Variants in ANO3 observed in about 807,000 individuals in gnomAD.
The protein encoded by ANO3 is anoctamin-3.
ANO3 carries 99 observed loss-of-function variants against 144.8 expected under a neutral mutation model. The ratio of observed to expected loss-of-function variants is 0.68; its 90% CI spans 0.58 to 0.81. The LOEUF (loss-of-function observed/expected upper bound fraction) is 0.81. ANO3 is among the 30% of genes least tolerant of loss of function. ANO3 has a pLI of 0.00. For missense variants in ANO3, 905 were observed against 1,202.2 expected, an observed-to-expected ratio of 0.75 and a Z score of 3.66; for synonymous variants, 414 against 392.6, an observed-to-expected ratio of 1.05 and a Z score of -0.64.
At chr11:26,240,046 C>T (rs1281194724) in intron 1 of ANO3, among the ~76,000 whole-genome samples, 1 of 152,082 alleles carries the variant, frequency 6.6e-6, no homozygotes, top group East Asian at 1.9e-4. Flanking sequence ...GGTTTAAATT[C>T]TAACTCAGCC....
At chr11:26,255,192 T>C (rs1853028164) in intron 1 of ANO3, among the ~76,000 whole-genome samples, 1 of 152,196 alleles carries the variant, frequency 6.6e-6, no homozygotes, top group African/African-American at 2.4e-5. Flanking sequence ...AGAGTAAATG[T>C]GTTTTAATGT....
intron 1 of ANO3, among the ~76,000 whole-genome samples, chr11:26,310,705 C>T (rs951995188): frequency 9.9e-5 from 15 of 152,092 alleles, no homozygotes; most frequent in African/African-American, 3.6e-4. Flanking sequence ...AACTGCCAGT[C>T]CCCACAGCAG....
intron 1 of ANO3, among the ~76,000 whole-genome samples, chr11:26,205,830 G>T (rs1590192466): frequency 6.6e-6 from 1 of 152,154 alleles, no homozygotes; most frequent in African/African-American, 2.4e-5. Context: ...AGTTTCATGA[G>T]TGTCCTCTAA....
chr11:26,336,319 C>T (rs1855192070), intron 1 of ANO3, among the ~76,000 whole-genome samples: 1 of 152,130 alleles, frequency 6.6e-6, no homozygotes. Context: ...CACAGCCTGT[C>T]CCAAAAGACT....
chr11:26,365,064 A>G (rs1158096783), intron 1 of ANO3, among the ~76,000 whole-genome samples: 6 of 152,242 alleles, frequency 3.9e-5, no homozygotes, highest in African/African-American at 1.4e-4. Flanking sequence ...ATTGGTAAAC[A>G]TACCCATTCC....
At chr11:26,454,629 G>A (rs1484251750) in intron 3 of ANO3, among the ~76,000 whole-genome samples, 3 of 151,406 alleles carry the variant, frequency 2.0e-5, no homozygotes, top group Non-Finnish European at 4.4e-5. Flanking sequence ...TGGATTCACA[G>A]CCAAATTCTA....
At chr11:26,534,264 A>T (rs1441175390) in intron 8 of ANO3, among the ~76,000 whole-genome samples, 192 bp from the exon 9 acceptor site, 1 of 152,252 alleles carries the variant, frequency 6.6e-6, no homozygotes, top group Non-Finnish European at 1.5e-5. Context: ...CTGAAAGAAG[A>T]TAACAAAGTG....
At chr11:26,198,158 G>A (rs185741892) in intron 1 of ANO3, among the ~76,000 whole-genome samples, 8 of 152,220 alleles carry the variant, frequency 5.3e-5, no homozygotes, top group Non-Finnish European at 1.2e-4. Context: ...GATGGTTCTG[G>A]AAGTCAAATT....
At chr11:26,642,667 A>G (rs1853205789) in intron 22 of ANO3, among the ~76,000 whole-genome samples, 1 of 152,132 alleles carries the variant, frequency 6.6e-6, no homozygotes, top group African/African-American at 2.4e-5. Flanking sequence ...ACCAGTTTCT[A>G]TGTTAAGAAA....
chr11:26,364,634 TG>T (rs1270374079), intron 1 of ANO3, among the ~76,000 whole-genome samples: 1 of 151,724 alleles, frequency 6.6e-6, no homozygotes, highest in Non-Finnish European at 1.5e-5. Context: ...AGAGAGAGAG[TG>T]GGGGTGGAGG....
At chr11:26,443,233 T>C (rs1223440184) in intron 2 of ANO3, among the ~76,000 whole-genome samples, 2 of 152,178 alleles carry the variant, frequency 1.3e-5, no homozygotes, top group Non-Finnish European at 2.9e-5. Context: ...ATGTCTACTA[T>C]GTAAAGTGGC....
At chr11:26,358,382 G>A (rs866536934) in intron 1 of ANO3, among the ~76,000 whole-genome samples, 7 of 152,078 alleles carry the variant, frequency 4.6e-5, no homozygotes, top group Non-Finnish European at 2.9e-5. Flanking sequence ...ATGTTGGCCA[G>A]AATGGCCTTG....
intron 1 of ANO3, among the ~76,000 whole-genome samples, chr11:26,339,245 C>G (rs2133897628): frequency 6.6e-6 from 1 of 151,918 alleles, no homozygotes; most frequent in Middle Eastern, 3.4e-3. Context: ...ACCTCTGCCT[C>G]CCGAGTTCAA....
intron 1 of ANO3, among the ~76,000 whole-genome samples, chr11:26,280,513 G>A (rs1455396662): frequency 1.3e-5 from 2 of 152,130 alleles, no homozygotes; most frequent in Non-Finnish European, 2.9e-5. Context: ...GAAACATGTA[G>A]GCAGGAACAC....
At chr11:26,406,290 C>A (rs1857275144) in intron 1 of ANO3, among the ~76,000 whole-genome samples, 1 of 151,776 alleles carries the variant, frequency 6.6e-6, no homozygotes, top group Non-Finnish European at 1.5e-5. Context: ...GATAATGGTG[C>A]TTTTCCCATT....
chr11:26,383,077 C>G (rs948281873), intron 1 of ANO3, among the ~76,000 whole-genome samples: 9 of 152,088 alleles, frequency 5.9e-5, no homozygotes, highest in Admixed American at 5.9e-4. Context: ...GAAGTTAAGT[C>G]TGTATCCATG....
At chr11:26,472,981 G>A (rs1236583278) in intron 4 of ANO3, among the ~76,000 whole-genome samples, 1 of 151,920 alleles carries the variant, frequency 6.6e-6, no homozygotes, top group African/African-American at 2.4e-5. Context: ...CTTCTTGCAT[G>A]ATGCAAACCA....
At chr11:26,490,139 A>G (rs1308188543) in intron 4 of ANO3, among the ~76,000 whole-genome samples, 3 of 152,090 alleles carry the variant, frequency 2.0e-5, no homozygotes, top group African/African-American at 7.2e-5. Context: ...TAATTGAATC[A>G]TGGGGGCTGG....
intron 1 of ANO3, among the ~76,000 whole-genome samples, chr11:26,427,597 C>T (rs1857955606): frequency 6.6e-6 from 1 of 152,132 alleles, no homozygotes; most frequent in South Asian, 2.1e-4. Flanking sequence ...ATTTTTACTA[C>T]TGAAAATTAT....
Sources: allele counts gnomAD v4.1 joint callset (sites outside exome capture counted in the v4.1 genomes callset), GRCh38; gene constraint gnomAD v4.1.1; transcripts MANE v1.5; gene names NCBI Gene and HGNC (gene_info 2026-07-23, HGNC 2026-07-21).